The following PLXNA4 variants were observed in gnomAD, a reference collection of about 807,000 sequenced individuals.
PLXNA4 encodes plexin A4, also known as plexin-A4.
A neutral mutation model predicts 191.8 loss-of-function variants in PLXNA4; 44 were observed. That is an observed-to-expected ratio of 0.23 (90% CI 0.18 to 0.29). The LOEUF is 0.29. Ranked by LOEUF, PLXNA4 falls within the 10% of genes least tolerant of loss-of-function variation. The pLI is 1.00. For synonymous variants in PLXNA4, 1,082 were observed against 1,009.5 expected (o/e 1.07, Z -1.36); for missense variants, 1,800 against 2,488.8 (o/e 0.72, Z 5.89).
chr7:132,419,712 T>C (rs1794784831), intron 3 of PLXNA4, among the ~76,000 whole-genome samples: 2 of 152,286 alleles, frequency 1.3e-5, no homozygotes, highest in South Asian at 4.2e-4. Flanking sequence ...TCAGCAAACT[T>C]TTCTGTAAAG....
At position 132,473,639 on chromosome 7, in the gene PLXNA4, T is replaced by C. The variant is rs565480402; in HGVS notation, c.1371+15653A>G. Among the ~76,000 whole-genome samples the C allele has an allele frequency of 3.3e-5, 5 of 152,246 alleles. No homozygotes were observed. The South Asian group carries it at 1.0e-3, about 32-fold the overall frequency. On this transcript the variant is annotated intron_variant, in intron 3 of 31. Transcript: ENST00000321063. ...GTATCACACTGCTAATGGGGATGGA[T>C]AGTGATGGCAAATAAATATTGTCAC...
At chr7:132,177,575 G>A (rs1193502844) in intron 20 of PLXNA4, among the ~76,000 whole-genome samples, 1 of 152,216 alleles carries the variant, frequency 6.6e-6, no homozygotes, top group African/African-American at 2.4e-5. Context: ...ACAATCCTGG[G>A]TGGGAGCTCC....
chr7:132,384,179 GA>G, intron 3 of PLXNA4: 1 of 985,404 alleles, frequency 1.0e-6, no homozygotes, highest in East Asian at 1.1e-4. Context: ...ACCCTAAAGA[GA>G]ATTACACTGT....
chr7:132,452,412 A>G (rs17166480), intron 3 of PLXNA4, among the ~76,000 whole-genome samples: 37,050 of 152,188 alleles, frequency 0.24, 5,333 homozygotes, highest in Admixed American at 0.39. Flanking sequence ...ATGTTAGCAG[A>G]GCTCAGAAGG....
At chr7:132,210,327 G>C (rs1332485493) in intron 10 of PLXNA4, among the ~76,000 whole-genome samples, 1 of 152,230 alleles carries the variant, frequency 6.6e-6, no homozygotes, top group Non-Finnish European at 1.5e-5. Flanking sequence ...TAGGTAGACA[G>C]CTGTCGGCAG....
chr7:132,210,112 A>G (rs1362258715), intron 10 of PLXNA4, among the ~76,000 whole-genome samples: 1 of 152,208 alleles, frequency 6.6e-6, no homozygotes, highest in Non-Finnish European at 1.5e-5. Flanking sequence ...TTGTGCAGTG[A>G]AGAAAAACTT....
intron 3 of PLXNA4, among the ~76,000 whole-genome samples, chr7:132,469,692 G>A (rs960209558): frequency 3.9e-5 from 6 of 152,138 alleles, no homozygotes; most frequent in East Asian, 1.9e-4. Context: ...CAATGCATTC[G>A]TCCATTCTAA....
chr7:132,228,794 T>C (rs1270784095), intron 5 of PLXNA4, among the ~76,000 whole-genome samples: 1 of 152,238 alleles, frequency 6.6e-6, no homozygotes, highest in Non-Finnish European at 1.5e-5. Flanking sequence ...TGCCATTCTC[T>C]TCTCCTCCTT....
At chr7:132,320,112 G>T (rs1179944431) in intron 3 of PLXNA4, among the ~76,000 whole-genome samples, 1 of 152,234 alleles carries the variant, frequency 6.6e-6, no homozygotes, top group African/African-American at 2.4e-5. Context: ...GCGCTTTTAA[G>T]ATGGCAACAC....
At chr7:132,434,425 C>T (rs971386111) in intron 3 of PLXNA4, among the ~76,000 whole-genome samples, 3 of 152,230 alleles carry the variant, frequency 2.0e-5, no homozygotes, top group Admixed American at 6.5e-5. Context: ...ACACTCTGTG[C>T]ATGCTATCCT....
intron 3 of PLXNA4, among the ~76,000 whole-genome samples, chr7:132,346,907 A>G (rs1803266195): frequency 6.6e-6 from 1 of 152,232 alleles, no homozygotes. Context: ...TTTGATGTTG[A>G]TATCAATAGG....
At chr7:132,446,901 T>A (rs1308807892) in intron 3 of PLXNA4, among the ~76,000 whole-genome samples, 1 of 152,170 alleles carries the variant, frequency 6.6e-6, no homozygotes, top group Non-Finnish European at 1.5e-5. Flanking sequence ...CACCTTTGAA[T>A]TCCTCGACAG....
chr7:132,604,999 A>G (rs1802896605), intron 2 of PLXNA4, among the ~76,000 whole-genome samples: 1 of 152,152 alleles, frequency 6.6e-6, no homozygotes, highest in Admixed American at 6.5e-5. Flanking sequence ...CTCAGCATCA[A>G]CCTAAAAAGC....
intron 4 of PLXNA4, among the ~76,000 whole-genome samples, chr7:132,292,622 ACT>A: frequency 6.6e-6 from 1 of 152,222 alleles, no homozygotes; most frequent in Non-Finnish European, 1.5e-5. Flanking sequence ...ACTCATATTA[ACT>A]CTATAAGAAT....
chr7:132,469,242 T>C (rs1796838145), intron 3 of PLXNA4, among the ~76,000 whole-genome samples: 1 of 152,022 alleles, frequency 6.6e-6, no homozygotes, highest in South Asian at 2.1e-4. Context: ...TTGGAGTCTG[T>C]GGATGAAGAA....
At chr7:132,561,503 A>C (rs747023184) in intron 1 of PLXNA4, among the ~76,000 whole-genome samples, 945 of 18,404 alleles carry the variant, frequency 0.051, no homozygotes, top group African/African-American at 0.058. Context: ...CTCCTCCCCC[A>C]CCTCCTCCTC....
At chr7:132,563,348 TTTCTCC>T (rs1801442747) in intron 1 of PLXNA4, among the ~76,000 whole-genome samples, 2 of 21,654 alleles carry the variant, frequency 9.2e-5, no homozygotes, top group Non-Finnish European at 1.8e-4. Flanking sequence ...TCTCCTCCTC[TTTCTCC>T]TCCTTCTCCT....
chr7:132,192,551 G>T (rs1274417950), intron 14 of PLXNA4, among the ~76,000 whole-genome samples: 6 of 151,650 alleles, frequency 4.0e-5, no homozygotes, highest in Non-Finnish European at 8.8e-5. Context: ...CGAGGGGTGG[G>T]GGTGCAGAAG....
intron 2 of PLXNA4, among the ~76,000 whole-genome samples, chr7:132,591,411 A>G (rs1296618260): frequency 1.3e-5 from 2 of 152,252 alleles, no homozygotes; most frequent in Non-Finnish European, 2.9e-5. Flanking sequence ...ACAAATTGCC[A>G]GAGTGAATTA....
Sources: allele counts gnomAD v4.1 joint callset (sites outside exome capture counted in the v4.1 genomes callset), GRCh38; gene constraint gnomAD v4.1.1; transcripts MANE v1.5; gene names NCBI Gene and HGNC (gene_info 2026-07-23, HGNC 2026-07-21).